Variants in CHD6 observed in about 807,000 individuals in gnomAD.
CHD6 encodes the protein ATP-dependent chromatin remodeler CHD6.
A neutral mutation model predicts 276.9 loss-of-function variants in CHD6; 50 were observed. The ratio of observed to expected loss-of-function variants is 0.18; its 90% confidence interval spans 0.14 to 0.23. CHD6 has a LOEUF of 0.23. Among genes scored for constraint, CHD6 ranks in the 10% least tolerant of loss-of-function variants. CHD6 has a pLI of 1.00. For missense variants in CHD6, 2,564 were observed against 3,365.8 expected, an observed-to-expected ratio of 0.76 and a Z score of 5.89; for synonymous variants, 1,173 against 1,229.3, an observed-to-expected ratio of 0.95 and a Z score of 0.96.
At chr20:41,464,981 A>C (rs189690413) in intron 17 of CHD6, among the ~76,000 whole-genome samples, 1 of 152,390 alleles carries the variant, frequency 6.6e-6, no homozygotes, top group East Asian at 1.9e-4. Context: ...AAAATAAAAC[A>C]AAATCCACAA....
chr20:41,579,509 T>C (rs1368937395), intron 1 of CHD6, among the ~76,000 whole-genome samples: 4 of 150,886 alleles, frequency 2.7e-5, no homozygotes, highest in African/African-American at 9.8e-5. Flanking sequence ...GTCCTAAGTC[T>C]GGCCACCGTC....
chr20:41,489,685 G>C (rs1389557703), intron 12 of CHD6, 93 bp downstream of exon 12: 2 of 1,493,870 alleles, frequency 1.3e-6, no homozygotes, highest in African/African-American at 2.8e-5. Flanking sequence ...ATTAATACAA[G>C]ATGCAGGGCA....
intron 27 of CHD6, among the ~76,000 whole-genome samples, chr20:41,429,354 G>A (rs2047462587): frequency 6.6e-6 from 1 of 152,172 alleles, no homozygotes; most frequent in South Asian, 2.1e-4. Flanking sequence ...GGCTGCACGT[G>A]ACATCTGTAA....
At chr20:41,536,618 A>G (rs1411672850) in intron 2 of CHD6, among the ~76,000 whole-genome samples, 2 of 152,254 alleles carry the variant, frequency 1.3e-5, no homozygotes, top group Admixed American at 1.3e-4. Context: ...TTCATCAGTT[A>G]TAACCATTTC....
chr20:41,485,710 G>A (rs2043396926), intron 14 of CHD6: 1 of 152,004 alleles, frequency 6.6e-6, no homozygotes, highest in Admixed American at 6.6e-5. Context: ...GGGGTAGGGA[G>A]GTATTGTTCA....
At chr20:41,480,835 A>C (rs1569123723) in intron 16 of CHD6, among the ~76,000 whole-genome samples, 1 of 152,190 alleles carries the variant, frequency 6.6e-6, no homozygotes, top group African/African-American at 2.4e-5. Flanking sequence ...ATGGCTCTTT[A>C]AATTATGTGC....
rs754833905 is a variant in CHD6, at chr20:41,533,417, T to C, written c.187A>G (p.Thr63Ala). The change falls in exon 3 of 37, where the codon ACT (threonine) becomes GCT (alanine). Residue 63 changes from threonine (T) to alanine (A), a missense_variant. Around this residue, in one of 7 missense-constraint regions of CHD6, gnomAD observed 286 missense variants for 297.8 expected, o/e 0.96. Transcript: ENST00000373233. ...AGGGTAGCAGCTTCCTCTTCAGCAG[T>C]ATACAGGTCCTTCTGAGGCAGACAG... Reference protein sequence around the residue: ...SHCLPQKDLYTAEEEAATLFP... With the variant: ...SHCLPQKDLYAAEEEAATLFP... The C allele has an allele frequency of 5.0e-6, 8 of 1,614,162 alleles. No individual in the cohort carries two copies. The highest frequency in any genetic ancestry group is 1.3e-5 in the African/African-American group (1 of 75,036).
At chr20:41,525,280 G>A (rs2044502726) in intron 3 of CHD6, among the ~76,000 whole-genome samples, 1 of 152,154 alleles carries the variant, frequency 6.6e-6, no homozygotes, top group East Asian at 1.9e-4. Flanking sequence ...CTTCCCCAGG[G>A]CAAACTGCCC....
At chr20:41,503,576 T>C (rs1427860725) in intron 5 of CHD6, among the ~76,000 whole-genome samples, 1 of 152,192 alleles carries the variant, frequency 6.6e-6, no homozygotes, top group African/African-American at 2.4e-5. Context: ...CTTGTGGCTT[T>C]TAAATGTTCT....
chr20:41,596,708 C>T lies in CHD6; in HGVS notation c.-24+21632G>A, dbSNP rs2045721586. On this transcript the variant is annotated intron_variant, in intron 1 of 36. Transcript: ENST00000373233. ...ATACAGCAGGGAAAAGATGAAGGGC[C>T]CATGGAGTTTTTAAACAGACTCAAG... is the stretch of plus-strand genomic sequence containing the variant. Among the ~76,000 whole-genome samples, 5 of 151,720 alleles carry T rather than the reference C, an allele frequency of 3.3e-5. No individual in the cohort carries two copies. In the South Asian group the frequency reaches 1.0e-3, roughly 32 times the overall value.
At chr20:41,519,118 C>CA (rs1221170623) in intron 3 of CHD6, among the ~76,000 whole-genome samples, 2 of 151,982 alleles carry the variant, frequency 1.3e-5, no homozygotes, top group South Asian at 2.1e-4. Flanking sequence ...CCCGTCTCTA[C>CA]AAAAAAATAC....
rs1322534895 is a variant in CHD6, at chr20:41,404,063, CT to C, written c.*529del. 15 of 1,044,488 alleles carry C rather than the reference CT, an allele frequency of 1.4e-5. No homozygotes were observed. In the Admixed American group the frequency reaches 6.6e-4, roughly 46 times the overall value. 64.7% of individuals were successfully genotyped at this position (1,044,488 alleles called of 1,614,324 possible). Reference sequence around the variant, plus strand: ...ATTTTCAACCATTAGTTATATACTTCTGTCTATACTACTCACTTAGTAATCA... The same window carrying C: ...ATTTTCAACCATTAGTTATATACTTCGTCTATACTACTCACTTAGTAATCA... On this transcript the variant is annotated 3_prime_UTR_variant, in exon 37 of 37. Coordinates refer to ENST00000373233, the MANE Select transcript of CHD6 (RefSeq NM_032221.5).
intron 3 of CHD6, among the ~76,000 whole-genome samples, chr20:41,515,525 T>C (rs1005554835): frequency 2.6e-5 from 4 of 152,208 alleles, no homozygotes; most frequent in African/African-American, 9.6e-5. Context: ...CCATCCACCC[T>C]GCAAGGCCCT....
At chr20:41,496,382 T>TTAGAACG (rs1287110110) in intron 8 of CHD6, among the ~76,000 whole-genome samples, 1 of 152,140 alleles carries the variant, frequency 6.6e-6, no homozygotes, top group East Asian at 1.9e-4. Flanking sequence ...TTGGATCTGG[T>TTAGAACG]TAGAACGTCT....
intron 23 of CHD6, among the ~76,000 whole-genome samples, chr20:41,450,128 C>A (rs759424023): frequency 9.2e-4 from 140 of 151,990 alleles, no homozygotes; most frequent in Non-Finnish European, 1.6e-3. Flanking sequence ...AGAAAAAAAA[C>A]AAAACAAAAC....
intron 3 of CHD6, among the ~76,000 whole-genome samples, chr20:41,528,790 G>A (rs191807105): frequency 5.0e-4 from 76 of 152,270 alleles, no homozygotes; most frequent in Admixed American, 1.2e-3. Context: ...TATCATCCTT[G>A]AAAAGGAAAA....
chr20:41,426,942 T>C (rs191251832), intron 27 of CHD6, among the ~76,000 whole-genome samples: 1 of 152,308 alleles, frequency 6.6e-6, no homozygotes, highest in African/African-American at 2.4e-5. Context: ...GACTAGCATC[T>C]TTTGACCTGA....
intron 36 of CHD6, among the ~76,000 whole-genome samples, chr20:41,409,290 C>A (rs971960282): frequency 5.3e-5 from 8 of 152,272 alleles, no homozygotes; most frequent in Admixed American, 5.2e-4. Flanking sequence ...CGGGCTTTGG[C>A]AGCTCTCCCT....
At chr20:41,524,741 T>C (rs1258487018) in intron 3 of CHD6, among the ~76,000 whole-genome samples, 5 of 152,192 alleles carry the variant, frequency 3.3e-5, no homozygotes, top group Non-Finnish European at 7.3e-5. Flanking sequence ...ACCTCCCCTG[T>C]TGCTGTCCCT....
Sources: gnomAD v4.1 joint callset for allele counts (sites outside exome capture counted in the v4.1 genomes callset) on GRCh38, gnomAD v4.1.1 for gene constraint, gnomAD v4.1.1 regional missense constraint, MANE v1.5 for transcripts, NCBI Gene and HGNC (gene_info 2026-07-23, HGNC 2026-07-21) for gene names.